Variants in PSMD2 observed in about 807,000 individuals in gnomAD.
The protein encoded by PSMD2 is 26S proteasome non-ATPase regulatory subunit 2.
In PSMD2, 8 loss-of-function variants were observed where a neutral mutation model predicts 101.5. The observed-to-expected ratio is 0.08, with a 90% CI of 0.05 to 0.14. The LOEUF (loss-of-function observed/expected upper bound fraction) is 0.14, where lower values mean the gene tolerates loss of function less well. Ranked by LOEUF, PSMD2 falls within the 10% of genes least tolerant of loss-of-function variation. PSMD2 has a pLI of 1.00. For synonymous variants in PSMD2, 418 were observed against 433.8 expected (o/e 0.96, Z 0.45); for missense variants, 784 against 1,147.4 (o/e 0.68, Z 4.58).
chr3:184,306,263 T>C (rs949540076), intron 14 of PSMD2, 87 bp from the exon 15 acceptor site: 7 of 1,591,898 alleles, frequency 4.4e-6, no homozygotes, highest in Admixed American at 3.4e-5. Flanking sequence ...TGATCTGCTC[T>C]AGATTCTTTA....
chr3:184,305,362 AC>A (rs1392486479), intron 12 of PSMD2, among the ~76,000 whole-genome samples: 1 of 151,812 alleles, frequency 6.6e-6, no homozygotes, highest in Non-Finnish European at 1.5e-5. Flanking sequence ...GGTGGCGCGC[AC>A]CTATAGTCCC....
Position 184,300,396 on chromosome 3 carries a change from T to C in PSMD2, c.309T>C (p.Tyr103=), listed in dbSNP as rs761609354. Residue 103 remains tyrosine, a synonymous_variant, in exon 3 of 21, where the codon TAT becomes TAC. Transcript: ENST00000310118. ...PKPLKFLRPH[Y]GKLKEIYENM... ...CTCTCAAATTTCTGCGTCCACACTA[T>C]GGCAAACTGAAGGAAATCTATGAGA... is the stretch of plus-strand genomic sequence containing the variant. 2.4e-5 allele frequency: 38 copies of C among 1,613,850 alleles called. No homozygotes were observed. Among genetic ancestry groups the C allele is most frequent in the African/African-American group, 1.1e-4 (8 of 74,914 alleles).
chr3:184,301,077 C>G (rs1436311280), intron 3 of PSMD2, among the ~76,000 whole-genome samples: 1 of 151,578 alleles, frequency 6.6e-6, no homozygotes, highest in African/African-American at 2.4e-5. Flanking sequence ...ACACCTGTAA[C>G]CCTAGCACTT....
chr3:184,303,071 C>T lies in PSMD2; in HGVS notation c.1069+9C>T, dbSNP rs757772662. 3 of 1,611,846 alleles carry T rather than the reference C, an allele frequency of 1.9e-6. No homozygotes were observed. In the South Asian group the frequency reaches 3.3e-5, roughly 18 times the overall value. On this transcript the variant is annotated intron_variant, in intron 8 of 20. Transcript: ENST00000310118. Reference sequence around the variant, plus strand: ...CCACCTAGAGAACAACAGTGAGTAGCCCTCTCTGTGTATGGGATTTGGGGG... The same window carrying T: ...CCACCTAGAGAACAACAGTGAGTAGTCCTCTCTGTGTATGGGATTTGGGGG...
At position 184,309,046 on chromosome 3, in the gene PSMD2, C is replaced by T; in HGVS notation, c.*156C>T. 1.3e-6 allele frequency: 1 copy of T among 758,970 alleles called. No homozygotes were observed. Among genetic ancestry groups the T allele is most frequent in the Admixed American group, 2.9e-5 (1 of 34,158 alleles). 47.0% of individuals were successfully genotyped at this position (758,970 alleles called of 1,614,324 possible). ...AGGTTGTTCAATAAAGACTTTTATC[C>T]CCAAGGTCTCTCTGTGTCTGTTTTC... On this transcript the variant is annotated 3_prime_UTR_variant, in exon 21 of 21. Transcript: ENST00000310118.
intron 10 of PSMD2, 37 bp downstream of exon 10, chr3:184,303,786 C>T (rs371369405): frequency 8.1e-6 from 13 of 1,607,774 alleles, no homozygotes; most frequent in East Asian, 2.2e-5. Flanking sequence ...GGGACTTCCC[C>T]GTTCCATATT....
chr3:184,306,254 G>T lies in PSMD2; in HGVS notation c.1805-96G>T. The T allele has an allele frequency of 3.8e-6, 6 of 1,594,154 alleles. No individual in the cohort carries two copies. In the South Asian group the frequency reaches 6.7e-5, roughly 18 times the overall value. ...TTGTTTCTCCTTTCTCCTTCATTCT[G>T]ATCTGCTCTAGATTCTTTAGACTTC... On this transcript the variant is annotated intron_variant, in intron 14 of 20. Transcript: ENST00000310118.
rs375500157 is a variant in PSMD2, at chr3:184,308,583, G to C, written c.2544+16G>C. 1.2e-6 allele frequency: 2 copies of C among 1,604,990 alleles called. No homozygotes were observed. Among genetic ancestry groups the C allele is most frequent in the Non-Finnish European group, 1.7e-6 (2 of 1,172,250 alleles). Reference sequence around the variant, plus strand: ...TGTGGGCCAGGTGAGAGGCTGAGTAGAGGGGAGGGCTCAGGCTGTATTCTC... The same window carrying C: ...TGTGGGCCAGGTGAGAGGCTGAGTACAGGGGAGGGCTCAGGCTGTATTCTC... On this transcript the variant is annotated intron_variant, in intron 20 of 20. Coordinates refer to ENST00000310118, the MANE Select transcript of PSMD2 (RefSeq NM_002808.5). The surrounding 1 kb of genome is among the most constrained non-coding windows in gnomAD (Gnocchi z 6.0).
intron 3 of PSMD2, 27 bp from the exon 4 acceptor site, chr3:184,301,510 G>C (rs761731437): frequency 6.2e-7 from 1 of 1,612,006 alleles, no homozygotes; most frequent in South Asian, 1.1e-5. Context: ...TGCTGGGTTT[G>C]ACTTCAAAGA....
chr3:184,308,382 C>T lies in PSMD2; in HGVS notation c.2426-67C>T. 7.8e-7 allele frequency: 1 copy of T among 1,275,686 alleles called. No homozygotes were observed. The allele number at this position is 1,275,686 out of a possible 1,614,324, so 79.0% of individuals were successfully genotyped here. A position where few individuals can be genotyped will look rare whatever the true frequency, so the allele number is the denominator to read the frequency against. ...GTTAAAGGGTCAGCGCTGAGGTGGG[C>T]TCTCAATGTTTCTGGCCAGGCCTGT... On this transcript the variant is annotated intron_variant, in intron 19 of 20. Coordinates refer to ENST00000310118, the MANE Select transcript of PSMD2 (RefSeq NM_002808.5). This position sits in a 1 kb window ranked among gnomAD's most constrained non-coding sequence, Gnocchi z 6.0.
chr3:184,302,843 A>G lies in PSMD2; in HGVS notation c.1008+20A>G, dbSNP rs767843663. 1 of 1,613,872 alleles carries G rather than the reference A, an allele frequency of 6.2e-7. No homozygotes were observed. Among genetic ancestry groups the G allele is most frequent in the South Asian group, 1.1e-5 (1 of 91,068 alleles). On this transcript the variant is annotated intron_variant, in intron 7 of 20. Coordinates refer to ENST00000310118, the MANE Select transcript of PSMD2 (RefSeq NM_002808.5). ...CGGGAGGTGAGACTGCCCTTTTTTC[A>G]TCAAGGCCTTTTCGTCATAATTCTA...
chr3:184,305,487 CAAAAAA>C (rs200304556), intron 12 of PSMD2, among the ~76,000 whole-genome samples: 52,261 of 111,946 alleles, frequency 0.47, 10,422 homozygotes, highest in Non-Finnish European at 0.55. Context: ...GACTCTGTCT[CAAAAAA>C]AAAAAAAAAA....
At position 184,308,160 on chromosome 3, in the gene PSMD2, C is replaced by A; in HGVS notation, c.2425+144C>A. 5 of 1,136,440 alleles carry A rather than the reference C, an allele frequency of 4.4e-6. No homozygotes were observed. The highest frequency in any genetic ancestry group is 6.1e-6 in the Non-Finnish European group (5 of 816,400). The allele number at this position is 1,136,440 out of a possible 1,614,324, so 70.4% of individuals were successfully genotyped here. On this transcript the variant is annotated intron_variant, in intron 19 of 20. Transcript: ENST00000310118. This position sits in a 1 kb window ranked among gnomAD's most constrained non-coding sequence, Gnocchi z 6.0. ...TCTGAGACAGGCTTTGGGCCTGTGACATGAGACTTTCATCACCCACACTTT... is the reference window on the plus strand; with the variant it reads ...TCTGAGACAGGCTTTGGGCCTGTGAAATGAGACTTTCATCACCCACACTTT...
intron 14 of PSMD2, 83 bp downstream of exon 14, chr3:184,306,238 C>T: frequency 6.3e-7 from 1 of 1,596,026 alleles, no homozygotes; most frequent in Non-Finnish European, 8.6e-7. Flanking sequence ...GTTGTTTCTC[C>T]TTTCTCCTTC....
At chr3:184,307,792 G>A in intron 18 of PSMD2, 84 bp downstream of exon 18, 1 of 1,604,734 alleles carries the variant, frequency 6.2e-7, no homozygotes, top group Non-Finnish European at 8.5e-7. Flanking sequence ...TGGCCCAGGA[G>A]GAAAGATGTG....
At chr3:184,302,174 A>G in intron 5 of PSMD2, 103 bp downstream of exon 5, 1 of 1,311,564 alleles carries the variant, frequency 7.6e-7, no homozygotes, top group South Asian at 1.3e-5. Flanking sequence ...CAAGCATAGC[A>G]TCACGCTGTA....
At chr3:184,302,852 T>G (rs1257206626) in intron 7 of PSMD2, 29 bp downstream of exon 7, 11 of 1,613,616 alleles carry the variant, frequency 6.8e-6, no homozygotes, top group Non-Finnish European at 8.5e-6. Flanking sequence ...CATCAAGGCC[T>G]TTTCGTCATA....
Position 184,299,255 on chromosome 3 carries a change from G to A in PSMD2, c.-12G>A, listed in dbSNP as rs1424615290. 7.5e-7 allele frequency: 1 copy of A among 1,332,894 alleles called. No individual in the cohort carries two copies. 82.6% of individuals were successfully genotyped at this position (1,332,894 alleles called of 1,614,324 possible). ...CGGGTGCGCGCGCAGCGGGCCGGCA[G>A]TGGCGGCGGAGATGGAGGAGGGAGG... is the stretch of plus-strand genomic sequence containing the variant. On this transcript the variant is annotated 5_prime_UTR_variant, in exon 1 of 21. The change creates a new upstream start codon in the 5' untranslated region. Coordinates refer to ENST00000310118, the MANE Select transcript of PSMD2 (RefSeq NM_002808.5).
chr3:184,302,115 A>G, intron 5 of PSMD2, 44 bp downstream of exon 5: 1 of 1,575,256 alleles, frequency 6.3e-7, no homozygotes, highest in Non-Finnish European at 8.7e-7. Context: ...TGCCCTCCTC[A>G]GCACCTCTCT....
Sources: gnomAD v4.1 joint callset for allele counts (sites outside exome capture counted in the v4.1 genomes callset) on GRCh38, gnomAD v4.1.1 for gene constraint, Gnocchi (gnomAD v3.1) non-coding constraint, MANE v1.5 for transcripts, NCBI Gene and HGNC (gene_info 2026-07-23, HGNC 2026-07-21) for gene names.